The following YTHDF2 variants were observed in gnomAD, a reference collection of about 807,000 sequenced individuals.
YTHDF2 encodes the protein YTH N6-methyladenosine RNA binding protein F2.
Under a neutral mutation model 50.4 loss-of-function variants are expected in YTHDF2, and 2 were observed. The ratio of observed to expected loss-of-function variants is 0.04; its 90% CI spans 0.02 to 0.12. YTHDF2 has a LOEUF of 0.12. Ranked by LOEUF, YTHDF2 falls within the 10% of genes least tolerant of loss-of-function variation. YTHDF2 has a pLI of 1.00. For synonymous variants in YTHDF2, 217 were observed against 255.6 expected (o/e 0.85, Z 1.44); for missense variants, 483 against 722.6 (o/e 0.67, Z 3.80).
At chr1:28,738,586 A>G (rs952921667) in intron 3 of YTHDF2, among the ~76,000 whole-genome samples, 1 of 152,084 alleles carries the variant, frequency 6.6e-6, no homozygotes, top group Non-Finnish European at 1.5e-5. Flanking sequence ...GTGGGATTAC[A>G]CGTGTGCACC....
At position 28,742,473 on chromosome 1, in the gene YTHDF2, ATTC is replaced by A. The variant is rs754022556; in HGVS notation, c.206_208del (p.Ser69del). ...TACAGTCCCTCCATTGGCTTCTCCTATTCTTTGGGTGAAGCTGCTTGGTCTACG... is the reference window on the plus strand; with the variant it reads ...TACAGTCCCTCCATTGGCTTCTCCTATTTGGGTGAAGCTGCTTGGTCTACG... On this transcript the variant is annotated inframe_deletion, in exon 4 of 5. Transcript: ENST00000373812. 6.2e-7 allele frequency: 1 copy of A among 1,612,368 alleles called. No individual in the cohort carries two copies. Among genetic ancestry groups the A allele is most frequent in the African/African-American group, 1.3e-5 (1 of 74,538 alleles).
At chr1:28,740,572 CTG>C (rs1308336598) in intron 3 of YTHDF2, among the ~76,000 whole-genome samples, 3 of 152,038 alleles carry the variant, frequency 2.0e-5, no homozygotes, top group African/African-American at 7.3e-5. Context: ...CAAGTTTAAT[CTG>C]TTGATTATAG....
At chr1:28,758,164 CA>C (rs1193132592) in intron 4 of YTHDF2, among the ~76,000 whole-genome samples, 1 of 152,038 alleles carries the variant, frequency 6.6e-6, no homozygotes, top group Non-Finnish European at 1.5e-5. Context: ...CACCTAGGAT[CA>C]CTTGAACCTA....
intron 4 of YTHDF2, among the ~76,000 whole-genome samples, chr1:28,746,635 C>T (rs1243965166): frequency 3.3e-5 from 5 of 151,548 alleles, no homozygotes; most frequent in East Asian, 3.9e-4. Flanking sequence ...TTGTGGGTAC[C>T]TGTGATCCCA....
At chr1:28,759,076 CTTACT>C (rs1377132091) in intron 4 of YTHDF2, among the ~76,000 whole-genome samples, 1 of 152,114 alleles carries the variant, frequency 6.6e-6, no homozygotes, top group Non-Finnish European at 1.5e-5. Context: ...TCTGAGAGTT[CTTACT>C]TTGAGATTCT....
chr1:28,754,682 T>G (rs760787121), intron 4 of YTHDF2, among the ~76,000 whole-genome samples: 1 of 151,688 alleles, frequency 6.6e-6, no homozygotes, highest in Non-Finnish European at 1.5e-5. Flanking sequence ...GGCGTGGTGG[T>G]GGGTGCCTGT....
In YTHDF2 at chr1:28,747,467, C is replaced by T. The variant is rs986813751; in HGVS notation, c.1716+3481C>T. ...TGCCTGTAATCCCAGCTACTACTTG[C>T]AGTGGGCTGAGATTGAGCCATTGCA... is the stretch of plus-strand genomic sequence containing the variant. On this transcript the variant is annotated intron_variant, in intron 4 of 4. Transcript: ENST00000373812. Among the ~76,000 whole-genome samples the T allele has an allele frequency of 2.0e-5, 3 of 148,794 alleles. No individual in the cohort carries two copies. The Admixed American group carries it at 2.0e-4, about 10-fold the overall frequency.
rs1204758799 is a variant in YTHDF2 at position 28,747,662 on chromosome 1, C to T, written c.1716+3676C>T. Among the ~76,000 whole-genome samples the T allele has an allele frequency of 3.4e-5, 5 of 147,980 alleles. No individual in the cohort carries two copies. In the East Asian group the frequency reaches 6.5e-4, roughly 19 times the overall value. ...CTTGATCTCCTGACTTTGTGATCCT[C>T]CCGCCTCTCCCTCCGAAAGTGCTGG... On this transcript the variant is annotated intron_variant, in intron 4 of 4. Transcript: ENST00000373812.
chr1:28,737,974 C>G (rs920406986), intron 2 of YTHDF2: 1 of 578,150 alleles, frequency 1.7e-6, no homozygotes, highest in South Asian at 2.1e-5. Flanking sequence ...TCGTGGATCA[C>G]TCTCTGGAAG....
At chr1:28,749,284 C>T (rs566878150) in intron 4 of YTHDF2, among the ~76,000 whole-genome samples, 29 of 150,910 alleles carry the variant, frequency 1.9e-4, no homozygotes, top group Non-Finnish European at 3.1e-4. Flanking sequence ...CTCCGCCTCC[C>T]GGGTTCACGC....
At chr1:28,746,591 TACA>T (rs2087864829) in intron 4 of YTHDF2, among the ~76,000 whole-genome samples, 1 of 108,348 alleles carries the variant, frequency 9.2e-6, no homozygotes, top group Non-Finnish European at 1.9e-5. Flanking sequence ...CTAAAAATAC[TACA>T]AAAAAAAAAA....
intron 4 of YTHDF2, among the ~76,000 whole-genome samples, chr1:28,753,095 C>A (rs2087981488): frequency 6.6e-6 from 1 of 151,456 alleles, no homozygotes; most frequent in African/African-American, 2.4e-5. Flanking sequence ...AAACTATTAC[C>A]CAGTTTAGCA....
At chr1:28,749,066 C>T (rs1284263441) in intron 4 of YTHDF2, among the ~76,000 whole-genome samples, 1 of 151,166 alleles carries the variant, frequency 6.6e-6, no homozygotes, top group Non-Finnish European at 1.5e-5. Flanking sequence ...TGGCTAATTT[C>T]TGTATATATT....
chr1:28,745,874 T>G (rs888655511), intron 4 of YTHDF2, among the ~76,000 whole-genome samples: 9 of 126,034 alleles, frequency 7.1e-5, no homozygotes, highest in African/African-American at 2.1e-4. Flanking sequence ...ACCCCATCTC[T>G]CTAAAAAAGA....
intron 3 of YTHDF2, among the ~76,000 whole-genome samples, chr1:28,741,756 A>G (rs1203253951): frequency 1.3e-5 from 2 of 152,250 alleles, no homozygotes; most frequent in African/African-American, 4.8e-5. Context: ...GAACGGCTGT[A>G]CAGACATTTG....
At position 28,737,008 on chromosome 1, in the gene YTHDF2, C is replaced by T. The variant is rs2124622468; in HGVS notation, c.-113C>T. ...GTCTCCGCTGCGTCCGCCGAGGCCCCCGAGTGTCAGGGACAAAAGCCTCCG... is the reference window on the plus strand; with the variant it reads ...GTCTCCGCTGCGTCCGCCGAGGCCCTCGAGTGTCAGGGACAAAAGCCTCCG... On this transcript the variant is annotated 5_prime_UTR_variant, in exon 1 of 5. Coordinates refer to ENST00000373812, the MANE Select transcript of YTHDF2 (RefSeq NM_016258.3). 1.4e-6 allele frequency: 2 copies of T among 1,381,136 alleles called. No homozygotes were observed. The highest frequency in any genetic ancestry group is 2.6e-5 in the East Asian group (1 of 38,838). The allele number at this position is 1,381,136 out of a possible 1,614,324, so 85.6% of individuals were successfully genotyped here.
intron 4 of YTHDF2, among the ~76,000 whole-genome samples, chr1:28,761,813 C>CT (rs1257248098): frequency 6.6e-6 from 1 of 152,116 alleles, no homozygotes; most frequent in East Asian, 1.9e-4. Context: ...AAGTGCTGGG[C>CT]TTGTAGGCAG....
At chr1:28,765,366 CAGA>C (rs1226578226) in intron 4 of YTHDF2, among the ~76,000 whole-genome samples, 1 of 151,930 alleles carries the variant, frequency 6.6e-6, no homozygotes, top group Non-Finnish European at 1.5e-5. Flanking sequence ...AACTTTTTTG[CAGA>C]AGAAATAAAT....
chr1:28,763,917 A>G (rs187066806), intron 4 of YTHDF2, among the ~76,000 whole-genome samples: 1 of 146,352 alleles, frequency 6.8e-6, no homozygotes, highest in Admixed American at 6.8e-5. Flanking sequence ...GCCAGCTCAT[A>G]TCTTTATTAT....
Sources: gnomAD v4.1 joint callset for allele counts (sites outside exome capture counted in the v4.1 genomes callset) on GRCh38, gnomAD v4.1.1 for gene constraint, MANE v1.5 for transcripts, NCBI Gene and HGNC (gene_info 2026-07-23, HGNC 2026-07-21) for gene names.